Variants in SFMBT2 observed in about 807,000 individuals in gnomAD.
The protein encoded by SFMBT2 is Scm like with four mbt domains 2.
A neutral mutation model predicts 110.1 loss-of-function variants in SFMBT2; 38 were observed. The ratio of observed to expected loss-of-function variants is 0.35; its 90% confidence interval spans 0.27 to 0.45. The LOEUF is 0.45. Among genes scored for constraint, SFMBT2 ranks in the 20% least tolerant of loss-of-function variants. The probability of loss-of-function intolerance (pLI) is 1.00; values close to 1 mark genes in which losing one functional copy is unlikely to be tolerated. For synonymous variants in SFMBT2, 425 were observed against 425.4 expected (o/e 1.00, Z 0.01); for missense variants, 1,011 against 1,094.9 (o/e 0.92, Z 1.08).
rs941042283 is a variant in SFMBT2 at position 7,225,222 on chromosome 10, G to C, written c.1203+2633C>G. Among the ~76,000 whole-genome samples the C allele has an allele frequency of 2.0e-5, 3 of 152,096 alleles. No individual in the cohort carries two copies. The South Asian group carries it at 6.2e-4, about 32-fold the overall frequency. On this transcript the variant is annotated intron_variant, in intron 10 of 20. Coordinates refer to ENST00000397167, the MANE Select transcript of SFMBT2 (RefSeq NM_001387889.1). ...TAACCTATTTTCATTTCAATCCACC[G>C]CTTGAGGGTAATTTATAAAGGATCA...
At chr10:7,253,876 T>G (rs1840903380) in intron 7 of SFMBT2, among the ~76,000 whole-genome samples, 1 of 149,586 alleles carries the variant, frequency 6.7e-6, no homozygotes, top group Non-Finnish European at 1.5e-5. Flanking sequence ...TCCCACCAGT[T>G]TGAAAGCTAA....
At chr10:7,396,386 A>C (rs1383012040) in intron 1 of SFMBT2, among the ~76,000 whole-genome samples, 3 of 152,238 alleles carry the variant, frequency 2.0e-5, no homozygotes, top group Non-Finnish European at 4.4e-5. Context: ...GTCAAATTAC[A>C]CAGAAAAGGA....
At chr10:7,296,661 G>A (rs1842415709) in intron 4 of SFMBT2, among the ~76,000 whole-genome samples, 1 of 152,248 alleles carries the variant, frequency 6.6e-6, no homozygotes, top group Admixed American at 6.5e-5. Context: ...GTTGCTGTCT[G>A]TGATGGTTAA....
chr10:7,349,436 T>C (rs1351321300), intron 4 of SFMBT2, among the ~76,000 whole-genome samples: 2 of 98,640 alleles, frequency 2.0e-5, no homozygotes, highest in African/African-American at 3.8e-5. Flanking sequence ...TTTTCTTTTC[T>C]TTTCTTTTTT....
intron 1 of SFMBT2, among the ~76,000 whole-genome samples, chr10:7,399,362 A>G (rs1846011960): frequency 6.6e-6 from 1 of 151,674 alleles, no homozygotes; most frequent in South Asian, 2.1e-4. Context: ...CCTCCCAAGT[A>G]CCTGGGATTA....
rs910008659 is a variant in SFMBT2, at chr10:7,236,405, T to C, written c.1120+7153A>G. Among the ~76,000 whole-genome samples the C allele has an allele frequency of 1.6e-4, 25 of 152,166 alleles. 1 individual carries two copies. Among genetic ancestry groups the C allele is most frequent in the Admixed American group, 1.0e-3 (16 of 15,288 alleles). The stretch of plus-strand genomic sequence containing the variant: ...AATAGATATCAAGACTATATTATTA[T>C]AAAGTAATAACAATTTGTTCAGGGC... On this transcript the variant is annotated intron_variant, in intron 9 of 20. Transcript: ENST00000397167.
intron 1 of SFMBT2, among the ~76,000 whole-genome samples, chr10:7,400,031 G>A (rs1246411900): frequency 3.9e-5 from 6 of 152,204 alleles, no homozygotes; most frequent in Non-Finnish European, 5.9e-5. Flanking sequence ...CAAGCCGGAG[G>A]AATGGGAGGC....
At chr10:7,402,605 C>G (rs117788008) in intron 1 of SFMBT2, among the ~76,000 whole-genome samples, 3,187 of 152,184 alleles carry the variant, frequency 0.021, 44 homozygotes, top group Non-Finnish European at 0.031. Flanking sequence ...TTTCCCTGGT[C>G]CATTAAAAGA....
chr10:7,171,576 C>G lies in SFMBT2; in HGVS notation c.2415+319G>C. The G allele has an allele frequency of 1.2e-5, 12 of 985,214 alleles. No homozygotes were observed. Among genetic ancestry groups the G allele is most frequent in the Non-Finnish European group, 1.3e-5 (11 of 829,810 alleles). 61.0% of individuals were successfully genotyped at this position (985,214 alleles called of 1,614,324 possible). A position where few individuals can be genotyped will look rare whatever the true frequency, so the allele number is the denominator to read the frequency against. On this transcript the variant is annotated intron_variant, in intron 19 of 20. Transcript: ENST00000397167. The surrounding 1 kb of genome is among the most constrained non-coding windows in gnomAD (Gnocchi z 4.9). The stretch of plus-strand genomic sequence containing the variant: ...AGACACAGCGCAGTCAGGGGAGATG[C>G]GGGGAAGGAATTTCTGGAAACCCAG...
At chr10:7,290,928 C>G (rs1842245165) in intron 4 of SFMBT2, among the ~76,000 whole-genome samples, 1 of 152,188 alleles carries the variant, frequency 6.6e-6, no homozygotes. Context: ...TGGGAAAATA[C>G]CACTAATGTT....
intron 4 of SFMBT2, among the ~76,000 whole-genome samples, chr10:7,344,227 C>T (rs1844027704): frequency 1.3e-5 from 2 of 152,110 alleles, no homozygotes; most frequent in African/African-American, 2.4e-5. Context: ...AGGTGAGTTC[C>T]GTGTGGGTGG....
intron 1 of SFMBT2, among the ~76,000 whole-genome samples, chr10:7,395,227 C>G (rs1393204682): frequency 6.6e-6 from 1 of 152,136 alleles, no homozygotes; most frequent in African/African-American, 2.4e-5. Flanking sequence ...GTGGAGGCTG[C>G]AGTGAGCAGC....
rs147944982 is a variant in SFMBT2, at chr10:7,226,424, T to C, written c.1203+1431A>G. 6.9e-3 allele frequency among the ~76,000 whole-genome samples: 1,058 copies of C among 152,340 alleles called. 12 individuals carry two copies. The highest frequency in any genetic ancestry group is 4.8e-3 in the Non-Finnish European group (325 of 68,036). On this transcript the variant is annotated intron_variant, in intron 10 of 20. Transcript: ENST00000397167. Reference sequence around the variant, plus strand: ...CCTATGCAGCCACCCCTTTCTCGCTTCGTTTTTCATATTGTTATGTCTAGA... The same window carrying C: ...CCTATGCAGCCACCCCTTTCTCGCTCCGTTTTTCATATTGTTATGTCTAGA...
intron 7 of SFMBT2, among the ~76,000 whole-genome samples, chr10:7,264,378 GAC>G (rs2131784762): frequency 6.6e-6 from 1 of 152,186 alleles, no homozygotes; most frequent in African/African-American, 2.4e-5. Flanking sequence ...TGTCAAAGAC[GAC>G]AGAGACTGTG....
chr10:7,208,087 C>T (rs1186333621), intron 11 of SFMBT2, among the ~76,000 whole-genome samples: 6 of 152,112 alleles, frequency 3.9e-5, no homozygotes, highest in African/African-American at 1.4e-4. Flanking sequence ...AACATTTAGC[C>T]TAATTGCTAA....
At position 7,333,498 on chromosome 10, in the gene SFMBT2, T is replaced by C. The variant is rs1843622968; in HGVS notation, c.436+34151A>G. 1.3e-5 allele frequency among the ~76,000 whole-genome samples: 2 copies of C among 150,770 alleles called. 1 individual carries two copies. The highest frequency in any genetic ancestry group is 4.2e-4 in the South Asian group (2 of 4,718). ...ACCTCGAATTCCTAGACTCAAGCAA[T>C]CCTCTTGCCTCAGCCTCCCGAGTAG... On this transcript the variant is annotated intron_variant, in intron 4 of 20. Coordinates refer to ENST00000397167, the MANE Select transcript of SFMBT2 (RefSeq NM_001387889.1).
chr10:7,266,693 C>T (rs373381559), intron 7 of SFMBT2, among the ~76,000 whole-genome samples: 17 of 152,142 alleles, frequency 1.1e-4, no homozygotes, highest in African/African-American at 3.4e-4. Flanking sequence ...AGTCGGGGGA[C>T]GCAATGACTA....
At chr10:7,231,539 C>T (rs2025465) in intron 9 of SFMBT2, among the ~76,000 whole-genome samples, 39,451 of 152,084 alleles carry the variant, frequency 0.26, 5,297 homozygotes, top group South Asian at 0.38. Context: ...CTTCAACCCA[C>T]TCTCTAAAAT....
intron 9 of SFMBT2, among the ~76,000 whole-genome samples, chr10:7,234,501 T>A (rs946011105): frequency 6.6e-6 from 1 of 152,158 alleles, no homozygotes; most frequent in Admixed American, 6.5e-5. Context: ...AAGAATGAAG[T>A]GAATTTAAGG....
Sources: gnomAD v4.1 joint callset for allele counts (sites outside exome capture counted in the v4.1 genomes callset) on GRCh38, gnomAD v4.1.1 for gene constraint, Gnocchi (gnomAD v3.1) non-coding constraint, MANE v1.5 for transcripts, NCBI Gene and HGNC (gene_info 2026-07-23, HGNC 2026-07-21) for gene names.